Variants in PARP14 observed in about 807,000 individuals in gnomAD.
PARP14 encodes the protein protein mono-ADP-ribosyltransferase PARP14.
A neutral mutation model predicts 154.2 loss-of-function variants in PARP14; 59 were observed. The ratio of observed to expected loss-of-function variants is 0.38; its 90% CI spans 0.31 to 0.48. The LOEUF (loss-of-function observed/expected upper bound fraction) is 0.48. Among genes scored for constraint, PARP14 ranks in the 20% least tolerant of loss-of-function variants. The probability of loss-of-function intolerance (pLI) is 0.98; values close to 1 mark genes in which losing one functional copy is unlikely to be tolerated. For synonymous variants in PARP14, 720 were observed against 780.5 expected (o/e 0.92, Z 1.29); for missense variants, 1,734 against 2,131.6 (o/e 0.81, Z 3.67).
intron 1 of PARP14, chr3:122,683,241 G>C (rs543030347): frequency 1.6e-4 from 155 of 956,900 alleles, no homozygotes; most frequent in Non-Finnish European, 1.9e-4. Flanking sequence ...TGAAGTCCCA[G>C]AAGTGCATTC....
chr3:122,728,194 A>T, intron 16 of PARP14, 114 bp from the exon 17 acceptor site: 1 of 1,045,812 alleles, frequency 9.6e-7, no homozygotes, highest in Non-Finnish European at 1.4e-6. Context: ...AGTGAAAAGC[A>T]CACACAAAAA....
intron 12 of PARP14, 109 bp from the exon 13 acceptor site, chr3:122,717,962 A>G (rs1933039586): frequency 2.3e-5 from 18 of 777,898 alleles, no homozygotes; most frequent in Non-Finnish European, 3.6e-5. Context: ...TGATGAAAGA[A>G]TTGAGGAGTG....
chr3:122,682,715 C>G (rs1331898355), intron 1 of PARP14, among the ~76,000 whole-genome samples: 1 of 152,114 alleles, frequency 6.6e-6, no homozygotes, highest in East Asian at 1.9e-4. Context: ...TCCAGTGGCC[C>G]CTCTTGTCTT....
intron 1 of PARP14, among the ~76,000 whole-genome samples, chr3:122,684,979 C>T (rs1938324486): frequency 6.6e-6 from 1 of 152,156 alleles, no homozygotes; most frequent in Non-Finnish European, 1.5e-5. Flanking sequence ...AGGGAACATG[C>T]TCAATATTAA....
chr3:122,681,062 C>A lies in PARP14; in HGVS notation c.179C>A (p.Pro60Gln), dbSNP rs776309392. The A allele has an allele frequency of 6.2e-7, 1 of 1,608,124 alleles. No individual in the cohort carries two copies. Among genetic ancestry groups the A allele is most frequent in the Non-Finnish European group, 8.5e-7 (1 of 1,175,814 alleles). The change falls in exon 1 of 17, where the codon CCG (proline) becomes CAG (glutamine). Residue 60 changes from proline to glutamine, a missense_variant. By Grantham distance (76) the Pro-to-Gln change is moderately conservative. Coordinates refer to ENST00000474629, the MANE Select transcript of PARP14 (RefSeq NM_017554.3). The surrounding 1 kb of genome is among the most constrained non-coding windows in gnomAD (Gnocchi z 5.5). ...SPSRFLVFFY[P>Q]EDVRQKVLER... ...TCCCGCTTCCTGGTGTTCTTCTACC[C>A]GGAGGACGGTGAGGGGCGCGAGGGG...
intron 7 of PARP14, 74 bp downstream of exon 7, chr3:122,704,052 G>C: frequency 1.1e-6 from 1 of 947,840 alleles, no homozygotes; most frequent in Non-Finnish European, 1.7e-6. Context: ...ATATTAATTG[G>C]ACATAGATTG....
chr3:122,715,064 A>G (rs1443692389), intron 12 of PARP14, among the ~76,000 whole-genome samples: 1 of 151,574 alleles, frequency 6.6e-6, no homozygotes, highest in Non-Finnish European at 1.5e-5. Flanking sequence ...GATTTTTCAT[A>G]TATAAGGATG....
chr3:122,721,047 G>T, intron 15 of PARP14: 1 of 321,720 alleles, frequency 3.1e-6, no homozygotes, highest in Non-Finnish European at 6.1e-6. Context: ...AAATTATTAT[G>T]ATTTTTTTTT....
intron 6 of PARP14, among the ~76,000 whole-genome samples, chr3:122,702,993 TAAAAA>T (rs10707029): frequency 1.2e-5 from 1 of 83,950 alleles, no homozygotes; most frequent in Non-Finnish European, 2.4e-5. Flanking sequence ...CCCTCTCTCT[TAAAAA>T]AAAAAAAAAA....
chr3:122,716,662 A>G (rs1375542743), intron 12 of PARP14, among the ~76,000 whole-genome samples: 1 of 152,096 alleles, frequency 6.6e-6, no homozygotes, highest in Non-Finnish European at 1.5e-5. Context: ...CCTATTCTTC[A>G]TTCTGGCCTC....
rs1178848092 is a variant in PARP14 at position 122,718,720 on chromosome 3, A to G, written c.4569A>G (p.Glu1523=). 1 of 1,613,378 alleles carries G rather than the reference A, an allele frequency of 6.2e-7. No homozygotes were observed. Among genetic ancestry groups the G allele is most frequent in the African/African-American group, 1.3e-5 (1 of 74,864 alleles). ...TCAAGAGAGTTCGATTGGCCAAAGA[A>G]CAGGAATCCCGGGCAGATTGTATCA... ...AMIKRVRLAK[E]QESRADCISE... Residue 1523 remains glutamate, a synonymous_variant, in exon 14 of 17, where the codon GAA becomes GAG. Coordinates refer to ENST00000474629, the MANE Select transcript of PARP14 (RefSeq NM_017554.3).
At position 122,713,433 on chromosome 3, in the gene PARP14, G is replaced by A; in HGVS notation, c.3629G>A (p.Gly1210Glu). 1.2e-6 allele frequency: 2 copies of A among 1,609,326 alleles called. No homozygotes were observed. Among genetic ancestry groups the A allele is most frequent in the Non-Finnish European group, 1.7e-6 (2 of 1,177,446 alleles). The change falls in exon 10 of 17, where the codon GGG becomes GAG. Residue 1210 changes from glycine (G) to glutamate (E), a missense_variant. Around this residue, in one of 2 missense-constraint regions of PARP14, gnomAD observed 1,646 missense variants for 1,976.0 expected, o/e 0.83. Transcript: ENST00000474629. ...PKAKDTQGFY[G>E]TVSSPDSGVY... ...CTTCTTTTCTTTTCAGGTTTTTATG[G>A]GACTGTTTCTAGCCCTGATTCAGGT...
chr3:122,680,858 C>G lies in PARP14; in HGVS notation c.-26C>G. 1 of 1,574,620 alleles carries G rather than the reference C, an allele frequency of 6.4e-7. No homozygotes were observed. The highest frequency in any genetic ancestry group is 8.6e-7 in the Non-Finnish European group (1 of 1,156,740). The stretch of plus-strand genomic sequence containing the variant: ...CGGCCCGGAGTTGGCGCGGCCCCTG[C>G]AGTCCGGCGGAGAGCGGAGCTGAGG... On this transcript the variant is annotated 5_prime_UTR_variant, in exon 1 of 17. Transcript: ENST00000474629.
intron 5 of PARP14, among the ~76,000 whole-genome samples, chr3:122,698,541 G>T (rs774424664): frequency 6.6e-6 from 1 of 152,184 alleles, no homozygotes; most frequent in African/African-American, 2.4e-5. Context: ...TGGTAGAGGG[G>T]CAAGAGGATG....
chr3:122,721,605 T>A (rs1933168210), intron 15 of PARP14: 3 of 152,160 alleles, frequency 2.0e-5, no homozygotes, highest in Admixed American at 2.0e-4. Flanking sequence ...AATCTCCACT[T>A]GAATATCTAA....
intron 15 of PARP14, chr3:122,721,026 C>T (rs1262458154): frequency 3.1e-6 from 1 of 318,772 alleles, no homozygotes; most frequent in African/African-American, 2.3e-5. Flanking sequence ...TTTTCCTTGA[C>T]TTCTCTAGCA....
chr3:122,724,922 C>A (rs974772004), intron 15 of PARP14, among the ~76,000 whole-genome samples: 4 of 152,136 alleles, frequency 2.6e-5, no homozygotes, highest in African/African-American at 9.7e-5. Flanking sequence ...ATCCATTTAA[C>A]CCTGAGTTGA....
chr3:122,715,448 T>C lies in PARP14; in HGVS notation c.4000+1019T>C, dbSNP rs1932965481. On this transcript the variant is annotated intron_variant, in intron 12 of 16. Transcript: ENST00000474629. ...ATCTGTAATTCTGTACCATTTCTTA[T>C]AATGTTCCGAGATGGAATTCTATGT... Among the ~76,000 whole-genome samples the C allele has an allele frequency of 4.6e-5, 7 of 152,224 alleles. No homozygotes were observed. In the South Asian group the frequency reaches 1.5e-3, roughly 32 times the overall value.
At chr3:122,686,906 T>A in intron 2 of PARP14, 174 bp from the exon 3 acceptor site, 1 of 522,600 alleles carries the variant, frequency 1.9e-6, no homozygotes, top group Non-Finnish European at 3.4e-6. Flanking sequence ...TTTTGTGACT[T>A]GCAAGTGAAT....
Sources: gnomAD v4.1 joint callset for allele counts (sites outside exome capture counted in the v4.1 genomes callset) on GRCh38, gnomAD v4.1.1 for gene constraint, gnomAD v4.1.1 regional missense constraint, Gnocchi (gnomAD v3.1) non-coding constraint, MANE v1.5 for transcripts, NCBI Gene and HGNC (gene_info 2026-07-23, HGNC 2026-07-21) for gene names.